Variants in SPECC1 observed in about 807,000 individuals in gnomAD.
SPECC1 encodes cytospin-B.
SPECC1 carries 62 observed loss-of-function variants against 104.1 expected under a neutral mutation model. The observed-to-expected ratio is 0.60, with a 90% CI of 0.49 to 0.74. The LOEUF (loss-of-function observed/expected upper bound fraction) is 0.74. Ranked by LOEUF, SPECC1 falls within the 30% of genes least tolerant of loss-of-function variation. The pLI, the probability that SPECC1 is intolerant of heterozygous loss-of-function variation, is 0.00. For synonymous variants in SPECC1, 513 were observed against 501.6 expected (o/e 1.02, Z -0.30); for missense variants, 1,306 against 1,310.5 (o/e 1.00, Z 0.05).
intron 12 of SPECC1, among the ~76,000 whole-genome samples, chr17:20,290,774 C>T (rs2041138012): frequency 6.6e-6 from 1 of 152,188 alleles, no homozygotes; most frequent in Non-Finnish European, 1.5e-5. Context: ...ACCTTGGCCT[C>T]CCAAAGTTCT....
intron 3 of SPECC1, among the ~76,000 whole-genome samples, chr17:20,196,687 C>A (rs1374499373): frequency 6.7e-6 from 1 of 150,040 alleles, no homozygotes; most frequent in East Asian, 2.0e-4. Context: ...TATATAAAAT[C>A]TTTCTTTATA....
chr17:20,019,254 T>C (rs949542585), intron 1 of SPECC1, among the ~76,000 whole-genome samples: 1 of 135,900 alleles, frequency 7.4e-6, no homozygotes, highest in Non-Finnish European at 1.6e-5. Context: ...ATTTATTTAT[T>C]TATTTATTTA....
rs574750603 is a variant in SPECC1, at chr17:20,163,809, C to T, written c.284-40524C>T. Among the ~76,000 whole-genome samples, 28 of 152,316 alleles carry T rather than the reference C, an allele frequency of 1.8e-4. 1 individual carries two copies. In the South Asian group the frequency reaches 5.8e-3, roughly 32 times the overall value. On this transcript the variant is annotated intron_variant, in intron 3 of 14. Transcript: ENST00000395527. ...CTCCTGGGCTCAAGCTATCCTCCCA[C>T]CTTGGCCTCCCAAAGTGCTGAGATT...
intron 1 of SPECC1, among the ~76,000 whole-genome samples, chr17:20,010,480 A>T (rs2043903811): frequency 6.6e-6 from 1 of 152,158 alleles, no homozygotes; most frequent in African/African-American, 2.4e-5. Flanking sequence ...GGGAGGAGGG[A>T]GGAGCACAGG....
intron 2 of SPECC1, 37 bp from the exon 3 acceptor site, chr17:20,110,390 C>T (rs2048426145): frequency 1.3e-6 from 2 of 1,576,254 alleles, no homozygotes; most frequent in Non-Finnish European, 1.7e-6. Context: ...CTGAAAACCA[C>T]CTCTTCATCC....
At chr17:20,174,271 A>G (rs1046562415) in intron 3 of SPECC1, among the ~76,000 whole-genome samples, 4 of 152,218 alleles carry the variant, frequency 2.6e-5, no homozygotes, top group African/African-American at 7.2e-5. Context: ...AGAAAAGACT[A>G]TTATAATACT....
At chr17:20,278,380 C>T (rs2040644383) in intron 12 of SPECC1, among the ~76,000 whole-genome samples, 3 of 152,134 alleles carry the variant, frequency 2.0e-5, no homozygotes, top group Admixed American at 1.3e-4. Context: ...CAGAGGCCAG[C>T]GCCCTTGGAT....
At chr17:20,103,164 G>A (rs115466182) in intron 2 of SPECC1, among the ~76,000 whole-genome samples, 10,639 of 152,192 alleles carry the variant, frequency 0.07, 512 homozygotes, top group African/African-American at 0.14. Context: ...GTGGGATGGG[G>A]ACCTCCTGGC....
At position 20,208,117 on chromosome 17, in the gene SPECC1, G is replaced by A. The variant is rs564156877; in HGVS notation, c.1863+2205G>A. 1.6e-4 allele frequency among the ~76,000 whole-genome samples: 25 copies of A among 152,242 alleles called. No homozygotes were observed. The East Asian group carries it at 4.1e-3, about 25-fold the overall frequency. On this transcript the variant is annotated intron_variant, in intron 4 of 14. Coordinates refer to ENST00000395527, the MANE Select transcript of SPECC1 (RefSeq NM_001243439.2). ...GTGTGCATTTTCTGTAGAGTGCAAG[G>A]CACAACATATATGTTTAAAATCAAA...
intron 3 of SPECC1, among the ~76,000 whole-genome samples, chr17:20,174,718 C>T (rs538111587): frequency 1.3e-5 from 2 of 152,174 alleles, no homozygotes; most frequent in East Asian, 3.9e-4. Flanking sequence ...CGAGTATTTT[C>T]TTCTTTCAAA....
At chr17:20,312,774 A>G (rs770466754) in intron 14 of SPECC1, among the ~76,000 whole-genome samples, 9 of 152,196 alleles carry the variant, frequency 5.9e-5, no homozygotes, top group South Asian at 2.1e-4. Context: ...GGAATGTTCT[A>G]CCAACTCTTC....
chr17:20,093,682 G>A (rs776098413), intron 1 of SPECC1, among the ~76,000 whole-genome samples: 2 of 151,928 alleles, frequency 1.3e-5, no homozygotes, highest in Non-Finnish European at 2.9e-5. Context: ...GCAAGTGGAC[G>A]GAGGGCACCA....
chr17:20,245,970 G>T lies in SPECC1; in HGVS notation c.2396G>T (p.Gly799Val). Reference protein sequence around the residue: ...EPESSEVDAAGRWPGVCVSRT... With the variant: ...EPESSEVDAAVRWPGVCVSRT... ...GAGTCCTCTGAGGTCGATGCTGCTG[G>T]TCGGTGGCCTGGTGTCTGTGTTAGC... is the stretch of plus-strand genomic sequence containing the variant. Residue 799 changes from glycine (G) to valine (V), a missense_variant, in exon 8 of 15, where the codon GGT becomes GTT. Gly to Val is a moderately radical substitution (Grantham distance 109). Around this residue, in one of 2 missense-constraint regions of SPECC1, gnomAD observed 1,177 missense variants for 1,139.9 expected, o/e 1.03. Transcript: ENST00000395527. The T allele has an allele frequency of 1.9e-6, 3 of 1,614,138 alleles. No homozygotes were observed. The highest frequency in any genetic ancestry group is 2.5e-6 in the Non-Finnish European group (3 of 1,180,020).
intron 1 of SPECC1, among the ~76,000 whole-genome samples, chr17:20,041,907 G>C (rs1201467827): frequency 6.6e-6 from 1 of 152,144 alleles, no homozygotes; most frequent in East Asian, 1.9e-4. Flanking sequence ...TTACAGGCGT[G>C]AGCCACCGCG....
chr17:20,215,093 C>T (rs1195685339), intron 4 of SPECC1, among the ~76,000 whole-genome samples: 1 of 152,264 alleles, frequency 6.6e-6, no homozygotes, highest in African/African-American at 2.4e-5. Flanking sequence ...GATCCGGGAG[C>T]CTCTGCCCTT....
At chr17:20,294,069 C>T (rs1277931632) in intron 12 of SPECC1, among the ~76,000 whole-genome samples, 1 of 152,180 alleles carries the variant, frequency 6.6e-6, no homozygotes, top group African/African-American at 2.4e-5. Flanking sequence ...GCAACCTCTG[C>T]CTTCCAGGTT....
At chr17:20,096,511 A>G (rs2047649081) in intron 1 of SPECC1, 120 bp from the exon 2 acceptor site, 4 of 1,171,412 alleles carry the variant, frequency 3.4e-6, no homozygotes, top group South Asian at 3.1e-5. Flanking sequence ...CAGCCAAATC[A>G]TAGGTGCTCC....
chr17:20,206,049 C>G, intron 4 of SPECC1, 137 bp downstream of exon 4: 3 of 1,240,386 alleles, frequency 2.4e-6, no homozygotes, highest in Non-Finnish European at 3.3e-6. Flanking sequence ...AGCTTGAAGG[C>G]CTGTTAGATT....
intron 3 of SPECC1, among the ~76,000 whole-genome samples, chr17:20,183,708 T>C (rs531996577): frequency 6.6e-5 from 10 of 152,344 alleles, no homozygotes; most frequent in African/African-American, 2.4e-4. Context: ...TTTGTTGTTA[T>C]ACTGTATTGT....
Sources: allele counts gnomAD v4.1 joint callset (sites outside exome capture counted in the v4.1 genomes callset), GRCh38; gene constraint gnomAD v4.1.1; regional missense constraint gnomAD v4.1.1; transcripts MANE v1.5; gene names NCBI Gene and HGNC (gene_info 2026-07-23, HGNC 2026-07-21).